PDCD6IP: variants seen among roughly 807,000 people sequenced by gnomAD.
The protein encoded by PDCD6IP is programmed cell death 6 interacting protein.
Under a neutral mutation model 103.7 loss-of-function variants are expected in PDCD6IP, and 43 were observed. The observed-to-expected ratio is 0.41, with a 90% CI of 0.32 to 0.53. The LOEUF is 0.53. PDCD6IP is among the 20% of genes least tolerant of loss of function. The pLI, the probability that PDCD6IP is intolerant of heterozygous loss-of-function variation, is 0.16. For synonymous variants in PDCD6IP, 354 were observed against 378.7 expected (o/e 0.93, Z 0.76); for missense variants, 871 against 1,036.7 (o/e 0.84, Z 2.20).
chr3:33,861,828 T>G (rs1372015474), intron 15 of PDCD6IP, among the ~76,000 whole-genome samples: 1 of 152,236 alleles, frequency 6.6e-6, no homozygotes, highest in African/African-American at 2.4e-5. Context: ...CTTTTTAATT[T>G]CTGTTTTCAT....
intron 1 of PDCD6IP, among the ~76,000 whole-genome samples, chr3:33,799,732 C>T (rs1223177963): frequency 1.3e-5 from 2 of 152,110 alleles, no homozygotes; most frequent in African/African-American, 4.8e-5. Context: ...ATCTCGTTTT[C>T]TCCGTATAGT....
At chr3:33,802,421 C>T (rs528727077) in intron 1 of PDCD6IP, among the ~76,000 whole-genome samples, 4 of 152,176 alleles carry the variant, frequency 2.6e-5, no homozygotes, top group South Asian at 4.2e-4. Flanking sequence ...ATTAGCACTC[C>T]CTACCCCACT....
At chr3:33,864,188 C>A in intron 16 of PDCD6IP, 59 bp downstream of exon 16, 1 of 1,012,894 alleles carries the variant, frequency 9.9e-7, no homozygotes, top group Non-Finnish European at 1.5e-6. Flanking sequence ...ATTACTTGTT[C>A]TAACGGATAA....
rs1256203992 is a variant in PDCD6IP at position 33,802,277 on chromosome 3, G to A, written c.209+3340G>A. 3.3e-5 allele frequency among the ~76,000 whole-genome samples: 5 copies of A among 152,190 alleles called. No homozygotes were observed. In the East Asian group the frequency reaches 9.6e-4, roughly 29 times the overall value. ...CTGTTCCACAACACCCTGCCTATATGTTACCGGCCATTTTGTGTGTCCTTC... is the reference window on the plus strand; with the variant it reads ...CTGTTCCACAACACCCTGCCTATATATTACCGGCCATTTTGTGTGTCCTTC... On this transcript the variant is annotated intron_variant, in intron 1 of 17. Transcript: ENST00000307296.
At chr3:33,826,075 G>C (rs1048747920) in intron 5 of PDCD6IP, among the ~76,000 whole-genome samples, 3 of 152,060 alleles carry the variant, frequency 2.0e-5, no homozygotes, top group African/African-American at 7.2e-5. Flanking sequence ...TAAGAGATAA[G>C]TCATCATGTG....
rs1294627240 is a variant in PDCD6IP at position 33,822,661 on chromosome 3, A to T, written c.462+579A>T. The stretch of plus-strand genomic sequence containing the variant: ...TGTGGCAGTTTATTTTATTTTATTT[A>T]TTTATTTATTTTGAGACGGAGTCTT... On this transcript the variant is annotated intron_variant, in intron 4 of 17. Coordinates refer to ENST00000307296, the MANE Select transcript of PDCD6IP (RefSeq NM_013374.6). Among the ~76,000 whole-genome samples the T allele has an allele frequency of 5.3e-5, 8 of 151,954 alleles. No homozygotes were observed. The East Asian group carries it at 1.5e-3, about 29-fold the overall frequency.
At chr3:33,824,549 G>A (rs1697069171) in intron 4 of PDCD6IP, among the ~76,000 whole-genome samples, 1 of 151,868 alleles carries the variant, frequency 6.6e-6, no homozygotes, top group South Asian at 2.1e-4. Flanking sequence ...GTGAGCCACC[G>A]CACCCGGCCA....
At chr3:33,821,248 G>T (rs1696985749) in intron 3 of PDCD6IP, among the ~76,000 whole-genome samples, 2 of 151,586 alleles carry the variant, frequency 1.3e-5, no homozygotes, top group Admixed American at 1.3e-4. Flanking sequence ...GGCTTCAAGA[G>T]ATCCTCCTGC....
At chr3:33,825,702 T>C (rs111545619) in intron 5 of PDCD6IP, among the ~76,000 whole-genome samples, 6 of 152,326 alleles carry the variant, frequency 3.9e-5, no homozygotes, top group African/African-American at 1.4e-4. Context: ...GAAAACAACT[T>C]AGGTTTTGGC....
chr3:33,837,849 A>G (rs1697384349), intron 8 of PDCD6IP, among the ~76,000 whole-genome samples: 2 of 152,138 alleles, frequency 1.3e-5, no homozygotes, highest in South Asian at 2.1e-4. Context: ...CGGCCTCCCA[A>G]AGTGCTGGGA....
chr3:33,865,167 C>T (rs1377735785), intron 16 of PDCD6IP, 76 bp from the exon 17 acceptor site: 3 of 1,009,540 alleles, frequency 3.0e-6, no homozygotes, highest in Non-Finnish European at 4.2e-6. Context: ...TCTCATATGT[C>T]CTTATTAATT....
chr3:33,843,497 A>G (rs1274055567), intron 10 of PDCD6IP, among the ~76,000 whole-genome samples: 3 of 152,170 alleles, frequency 2.0e-5, no homozygotes, highest in Non-Finnish European at 4.4e-5. Flanking sequence ...GAAGAATTCT[A>G]TGTACCGTAG....
chr3:33,848,403 T>A (rs1218932774), intron 12 of PDCD6IP, among the ~76,000 whole-genome samples: 1 of 148,524 alleles, frequency 6.7e-6, no homozygotes, highest in East Asian at 1.9e-4. Flanking sequence ...AGGGCATTTC[T>A]TTCTTTCTTT....
chr3:33,858,803 C>G (rs906897278), intron 15 of PDCD6IP, among the ~76,000 whole-genome samples: 11 of 152,234 alleles, frequency 7.2e-5, no homozygotes, highest in Admixed American at 5.2e-4. Context: ...GAGTGAGACT[C>G]TGTCTCAAAA....
Position 33,798,905 on chromosome 3 carries a change from C to A in PDCD6IP, c.177C>A (p.Asp59Glu). The change falls in exon 1 of 18, where the codon GAC (aspartate) becomes GAA (glutamate). Residue 59 changes from aspartate to glutamate, a missense_variant. Coordinates refer to ENST00000307296, the MANE Select transcript of PDCD6IP (RefSeq NM_013374.6). ...LRRAAVGRPL[D>E]KHEGALETLL... Reference sequence around the variant, plus strand: ...GCGCCGCAGTCGGTCGTCCGCTGGACAAGCACGAGGGCGCGCTCGAGACGC... The same window carrying A: ...GCGCCGCAGTCGGTCGTCCGCTGGAAAAGCACGAGGGCGCGCTCGAGACGC... 1 of 1,544,472 alleles carries A rather than the reference C, an allele frequency of 6.5e-7. No individual in the cohort carries two copies. The highest frequency in any genetic ancestry group is 1.2e-5 in the South Asian group (1 of 83,876).
intron 7 of PDCD6IP, among the ~76,000 whole-genome samples, chr3:33,830,520 T>C (rs935336031): frequency 6.6e-6 from 1 of 152,146 alleles, no homozygotes; most frequent in Admixed American, 6.5e-5. Context: ...GGTAAATACT[T>C]TTCCTCAGTT....
chr3:33,829,510 T>C (rs979113055), intron 7 of PDCD6IP, among the ~76,000 whole-genome samples: 1 of 152,102 alleles, frequency 6.6e-6, no homozygotes, highest in Non-Finnish European at 1.5e-5. Context: ...CACACATATA[T>C]CTCTTGTGAA....
At chr3:33,804,210 G>A (rs970865203) in intron 1 of PDCD6IP, among the ~76,000 whole-genome samples, 1 of 152,174 alleles carries the variant, frequency 6.6e-6, no homozygotes, top group African/African-American at 2.4e-5. Flanking sequence ...CTCTCACAAA[G>A]CTAGAGTCCC....
Position 33,810,962 on chromosome 3 carries a change from A to C in PDCD6IP, c.210-1110A>C, listed in dbSNP as rs143916977. ...GAGTACAGTGGCGCTGTCTTGGCCC[A>C]CTGCAGCCATGACCTCCAGATCAAG... On this transcript the variant is annotated intron_variant, in intron 1 of 17. Coordinates refer to ENST00000307296, the MANE Select transcript of PDCD6IP (RefSeq NM_013374.6). 1,917 of 211,078 alleles carry C rather than the reference A, an allele frequency of 9.1e-3. 15 individuals carry two copies. The highest frequency in any genetic ancestry group is 0.015 in the Non-Finnish European group (1,509 of 99,786). 13.1% of individuals were successfully genotyped at this position (211,078 alleles called of 1,614,324 possible). A position where few individuals can be genotyped will look rare whatever the true frequency, so the allele number is the denominator to read the frequency against.
Sources: allele counts gnomAD v4.1 joint callset (sites outside exome capture counted in the v4.1 genomes callset), GRCh38; gene constraint gnomAD v4.1.1; transcripts MANE v1.5; gene names NCBI Gene and HGNC (gene_info 2026-07-23, HGNC 2026-07-21).